Variants in PRKACB observed in about 807,000 individuals in gnomAD.
PRKACB encodes the protein cAMP-dependent protein kinase catalytic subunit beta.
In PRKACB, 16 loss-of-function variants were observed where a neutral mutation model predicts 51.4. The observed-to-expected ratio is 0.31, with a 90% CI of 0.21 to 0.47. The LOEUF is 0.47. Ranked by LOEUF, PRKACB falls within the 20% of genes least tolerant of loss-of-function variation. PRKACB has a pLI of 1.00. For missense variants in PRKACB, 309 were observed against 464.5 expected, an observed-to-expected ratio of 0.67 and a Z score of 3.08; for synonymous variants, 147 against 154.4, an observed-to-expected ratio of 0.95 and a Z score of 0.35.
chr1:84,126,200 G>A (rs1651590220), intron 1 of PRKACB, among the ~76,000 whole-genome samples: 1 of 152,194 alleles, frequency 6.6e-6, no homozygotes, highest in Non-Finnish European at 1.5e-5. Flanking sequence ...TCAGTGGAGG[G>A]TCAGGGTGAC....
intron 5 of PRKACB, 71 bp downstream of exon 5, chr1:84,185,253 C>A (rs1005838877): frequency 1.8e-6 from 2 of 1,137,794 alleles, no homozygotes; most frequent in Non-Finnish European, 2.5e-6. Flanking sequence ...TAAGTTGATG[C>A]CAATGCCAAA....
chr1:84,214,139 G>C lies in PRKACB; in HGVS notation c.907-14G>C, dbSNP rs372018748. The C allele has an allele frequency of 1.9e-6, 3 of 1,588,018 alleles. No individual in the cohort carries two copies. The highest frequency in any genetic ancestry group is 2.6e-6 in the Non-Finnish European group (3 of 1,170,628). On this transcript the variant is annotated splice_polypyrimidine_tract_variant and intron_variant, in intron 8 of 9. Transcript: ENST00000370685. Reference sequence around the variant, plus strand: ...CTTAGAATGTGTGTTTTACCAAATGGTGTGTTTGTGTAGGTCCGATTCCCA... The same window carrying C: ...CTTAGAATGTGTGTTTTACCAAATGCTGTGTTTGTGTAGGTCCGATTCCCA...
chr1:84,161,519 T>G (rs1460005829), intron 1 of PRKACB, among the ~76,000 whole-genome samples: 1 of 151,868 alleles, frequency 6.6e-6, no homozygotes, highest in Non-Finnish European at 1.5e-5. Flanking sequence ...GTCTCATAGT[T>G]TTTGTTGTTC....
chr1:84,091,202 G>T (rs535441032), intron 1 of PRKACB, among the ~76,000 whole-genome samples: 1 of 152,236 alleles, frequency 6.6e-6, no homozygotes, highest in African/African-American at 2.4e-5. Context: ...GAAGAAAGAA[G>T]AAAGAGAAAA....
intron 1 of PRKACB, among the ~76,000 whole-genome samples, chr1:84,120,913 T>G (rs1651013638): frequency 2.6e-5 from 4 of 152,124 alleles, no homozygotes; most frequent in Admixed American, 2.6e-4. Context: ...TAATGGTCCC[T>G]GAGAAGTTTC....
At chr1:84,107,825 A>G (rs1048702497) in intron 1 of PRKACB, among the ~76,000 whole-genome samples, 2 of 152,104 alleles carry the variant, frequency 1.3e-5, no homozygotes, top group East Asian at 3.9e-4. Flanking sequence ...ATTAAAGAGT[A>G]AAAAAATAAC....
At position 84,144,626 on chromosome 1, in the gene PRKACB, A is replaced by T. The variant is rs1253044565; in HGVS notation, c.187+78A>T. ...TGGAGTTTTACAATCAAACATAAAG[A>T]ACCCTCTTTTGTTTGTTGTTTTCTG... On this transcript the variant is annotated intron_variant, in intron 1 of 9. Transcript: ENST00000370685. The T allele has an allele frequency of 1.0e-5, 14 of 1,387,534 alleles. No individual in the cohort carries two copies. In the Admixed American group the frequency reaches 2.9e-4, roughly 28 times the overall value. The allele number at this position is 1,387,534 out of a possible 1,614,324, so 86.0% of individuals were successfully genotyped here.
chr1:84,192,768 A>G (rs1476249889), intron 5 of PRKACB, among the ~76,000 whole-genome samples: 2 of 152,216 alleles, frequency 1.3e-5, no homozygotes, highest in Non-Finnish European at 2.9e-5. Flanking sequence ...TTGTAAGAAC[A>G]ACAGACTGTT....
chr1:84,192,939 C>T (rs1395522411), intron 5 of PRKACB, among the ~76,000 whole-genome samples: 1 of 152,068 alleles, frequency 6.6e-6, no homozygotes, highest in South Asian at 2.1e-4. Flanking sequence ...GTGCTGAATA[C>T]ACAAGGCCAA....
rs565407237 is a variant in PRKACB at position 84,109,217 on chromosome 1, A to G, written c.46+30846A>G. ...AATGCTACTATAAACATTCCAGTACACACATTTTGGCGAACATATGTATGC... is the reference window on the plus strand; with the variant it reads ...AATGCTACTATAAACATTCCAGTACGCACATTTTGGCGAACATATGTATGC... On this transcript the variant is annotated intron_variant, in intron 1 of 8. Transcript: ENST00000370688. 2.0e-4 allele frequency among the ~76,000 whole-genome samples: 30 copies of G among 152,114 alleles called. No homozygotes were observed. In the South Asian group the frequency reaches 5.6e-3, roughly 28 times the overall value.
intron 5 of PRKACB, among the ~76,000 whole-genome samples, chr1:84,187,961 C>T (rs1665664194): frequency 6.6e-6 from 1 of 151,968 alleles, no homozygotes; most frequent in Non-Finnish European, 1.5e-5. Context: ...TACGATAGTT[C>T]AGTTAGAGCC....
At chr1:84,081,401 A>G (rs888229238) in intron 1 of PRKACB, among the ~76,000 whole-genome samples, 1 of 152,152 alleles carries the variant, frequency 6.6e-6, no homozygotes, top group Non-Finnish European at 1.5e-5. Context: ...GCTGTAGTGA[A>G]TTAGGAAATT....
At chr1:84,082,182 A>C (rs1443723871) in intron 1 of PRKACB, among the ~76,000 whole-genome samples, 1 of 152,214 alleles carries the variant, frequency 6.6e-6, no homozygotes, top group East Asian at 1.9e-4. Context: ...TAGTAAGTCA[A>C]GAAGCAACAT....
chr1:84,235,173 ATTAT>A lies in PRKACB; in HGVS notation c.1072-6_1072-3del, dbSNP rs1676540075. On this transcript the variant is annotated splice_region_variant and splice_polypyrimidine_tract_variant and intron_variant, in intron 9 of 9. Coordinates refer to ENST00000370685, the MANE Select transcript of PRKACB (RefSeq NM_182948.4). Reference sequence around the variant, plus strand: ...TTTTCTTATTTTTCTCTCCCTCTCAATTATAGGTTGAAGCTCCATTCATACCAAA... The same window carrying A: ...TTTTCTTATTTTTCTCTCCCTCTCAAAGGTTGAAGCTCCATTCATACCAAA... 3 of 1,602,496 alleles carry A rather than the reference ATTAT, an allele frequency of 1.9e-6. No individual in the cohort carries two copies. Among genetic ancestry groups the A allele is most frequent in the Non-Finnish European group, 2.5e-6 (3 of 1,177,118 alleles).
At position 84,233,432 on chromosome 1, in the gene PRKACB, C is replaced by T. The variant is rs1470449137; in HGVS notation, c.1072-1748C>T. 1.9e-4 allele frequency among the ~76,000 whole-genome samples: 26 copies of T among 136,480 alleles called. 1 individual carries two copies. Among genetic ancestry groups the T allele is most frequent in the African/African-American group, 7.4e-4 (26 of 35,244 alleles). The allele number at this position is 136,480 out of a possible 152,430, so 89.5% of individuals were successfully genotyped here. A position where few individuals can be genotyped will look rare whatever the true frequency, so the allele number is the denominator to read the frequency against. ...TCGAGGAGTATCTTTGTGGCGTTCT[C>T]TGTATTTCCTGAATCTGAATGTTGG... On this transcript the variant is annotated intron_variant, in intron 9 of 9. Transcript: ENST00000370685.
At chr1:84,127,499 A>G (rs951694945) in intron 1 of PRKACB, among the ~76,000 whole-genome samples, 2 of 152,220 alleles carry the variant, frequency 1.3e-5, no homozygotes, top group African/African-American at 4.8e-5. Flanking sequence ...AAGTTAATTT[A>G]CCTGCTGGTA....
intron 1 of PRKACB, among the ~76,000 whole-genome samples, chr1:84,111,010 C>T (rs1015296685): frequency 2.6e-5 from 4 of 152,072 alleles, no homozygotes; most frequent in Middle Eastern, 3.4e-3. Context: ...GTCTTTATCA[C>T]CCTTTTTGAG....
chr1:84,130,890 T>C (rs1394881281), intron 1 of PRKACB, among the ~76,000 whole-genome samples: 2 of 152,220 alleles, frequency 1.3e-5, no homozygotes, highest in Non-Finnish European at 2.9e-5. Flanking sequence ...TAAATTGTTT[T>C]TTCTCCTCTT....
chr1:84,158,799 G>T (rs143207384), intron 1 of PRKACB, among the ~76,000 whole-genome samples: 14 of 151,966 alleles, frequency 9.2e-5, no homozygotes, highest in Non-Finnish European at 1.5e-4. Flanking sequence ...TCTATTTTTT[G>T]AGTTAATTTT....
Sources: allele counts gnomAD v4.1 joint callset (sites outside exome capture counted in the v4.1 genomes callset), GRCh38; gene constraint gnomAD v4.1.1; transcripts MANE v1.5; gene names NCBI Gene and HGNC (gene_info 2026-07-23, HGNC 2026-07-21).